CCDC136: variants seen among roughly 807,000 people sequenced by gnomAD.
CCDC136 encodes coiled-coil domain containing 136.
A neutral mutation model predicts 141.2 loss-of-function variants in CCDC136; 100 were observed. The observed-to-expected ratio is 0.71, with a 90% confidence interval of 0.60 to 0.84. The LOEUF is 0.84. Among genes scored for constraint, CCDC136 ranks in the 40% least tolerant of loss-of-function variants. CCDC136 has a pLI of 0.00. For synonymous variants in CCDC136, 474 were observed against 531.9 expected (o/e 0.89, Z 1.50); for missense variants, 1,206 against 1,379.4 (o/e 0.87, Z 1.99).
chr7:128,797,042 A>G (rs551518616), intron 3 of CCDC136, among the ~76,000 whole-genome samples: 25 of 152,206 alleles, frequency 1.6e-4, no homozygotes, highest in Admixed American at 7.8e-4. Context: ...CGCCCGGCCC[A>G]GAATATATTT....
In CCDC136 at chr7:128,817,013, A is replaced by G. The variant is rs148669975; in HGVS notation, c.3364-745A>G. 1.2e-3 allele frequency among the ~76,000 whole-genome samples: 177 copies of G among 152,282 alleles called. No individual in the cohort carries two copies. The highest frequency in any genetic ancestry group is 1.7e-3 in the Non-Finnish European group (116 of 68,026). The stretch of plus-strand genomic sequence containing the variant: ...ACTATCATGTTTCCTTGAGCTCATC[A>G]TATTCCACCACGTGCTGGTTCAGAG... On this transcript the variant is annotated intron_variant, in intron 16 of 17. Coordinates refer to ENST00000297788, the MANE Select transcript of CCDC136 (RefSeq NM_022742.5). This position sits in a 1 kb window ranked among gnomAD's most constrained non-coding sequence, Gnocchi z 4.6.
At chr7:128,813,049 G>T in intron 14 of CCDC136, 120 bp downstream of exon 14, 1 of 689,520 alleles carries the variant, frequency 1.5e-6, no homozygotes, top group South Asian at 1.8e-5. Context: ...CTCAGAGGCT[G>T]GGCAGTCTGC....
At position 128,812,666 on chromosome 7, in the gene CCDC136, G is replaced by T. The variant is rs753267586; in HGVS notation, c.2542-42G>T. ...CCCAGCAGAGTAGGGCGGAGCTTAG[G>T]TGCTCCTCAGGGTGCTATTGTTGCT... On this transcript the variant is annotated intron_variant, in intron 13 of 17. Coordinates refer to ENST00000297788, the MANE Select transcript of CCDC136 (RefSeq NM_022742.5). The T allele has an allele frequency of 1.8e-5, 27 of 1,472,824 alleles. No homozygotes were observed. In the Admixed American group the frequency reaches 3.4e-4, roughly 19 times the overall value. The allele number at this position is 1,472,824 out of a possible 1,614,324, so 91.2% of individuals were successfully genotyped here. A position where few individuals can be genotyped will look rare whatever the true frequency, so the allele number is the denominator to read the frequency against.
rs561543767 is a variant in CCDC136 at position 128,815,833 on chromosome 7, G to A, written c.3265G>A (p.Glu1089Lys). ...EENEEDKEEE[E>K]KEEDSEEEED... is the part of the protein sequence containing the mutation. Reference sequence around the variant, plus strand: ...AAATGAAGAGGACAAAGAGGAAGAGGAGAAGGAAGAAGACAGTGAAGAGGA... The same window carrying A: ...AAATGAAGAGGACAAAGAGGAAGAGAAGAAGGAAGAAGACAGTGAAGAGGA... The change falls in exon 16 of 18, where the codon GAG (glutamate) becomes AAG (lysine). Residue 1089 changes from glutamate (E) to lysine (K), a missense_variant. Physicochemically the swap from Glu to Lys is moderately conservative, Grantham distance 56. Transcript: ENST00000297788. The A allele has an allele frequency of 1.2e-6, 2 of 1,612,612 alleles. No individual in the cohort carries two copies. Among genetic ancestry groups the A allele is most frequent in the African/African-American group, 2.7e-5 (2 of 74,974 alleles).
intron 14 of CCDC136, 132 bp downstream of exon 14, chr7:128,813,061 C>T (rs1400125659): frequency 4.6e-6 from 3 of 647,936 alleles, no homozygotes; most frequent in Non-Finnish European, 8.1e-6. Flanking sequence ...GCAGTCTGCT[C>T]CATCCCTGAT....
intron 17 of CCDC136, among the ~76,000 whole-genome samples, chr7:128,818,562 T>C: frequency 6.6e-6 from 1 of 152,242 alleles, no homozygotes; most frequent in East Asian, 1.9e-4. Context: ...TTTATCTATT[T>C]TGTGGGCCAG....
At chr7:128,819,621 T>C (rs1368016792) in intron 17 of CCDC136, among the ~76,000 whole-genome samples, 4 of 152,236 alleles carry the variant, frequency 2.6e-5, no homozygotes, top group Non-Finnish European at 5.9e-5. Flanking sequence ...TATTAACTGA[T>C]TTAATCCTTG....
intron 11 of CCDC136, among the ~76,000 whole-genome samples, 165 bp downstream of exon 11, chr7:128,809,809 T>G (rs767297450): frequency 6.6e-6 from 1 of 152,222 alleles, no homozygotes; most frequent in South Asian, 2.1e-4. Context: ...TAGAGCCAAT[T>G]AGAGTTTTTC....
Position 128,794,406 on chromosome 7 carries a change from A to G in CCDC136, c.75A>G (p.Glu25=). 1 of 1,554,644 alleles carries G rather than the reference A, an allele frequency of 6.4e-7. No homozygotes were observed. Among genetic ancestry groups the G allele is most frequent in the Non-Finnish European group, 8.7e-7 (1 of 1,148,432 alleles). The stretch of plus-strand genomic sequence containing the variant: ...AAGAGGAAGAGGAAGAGGAGGAAGA[A>G]GAGGTGGAAGAAGAAGAAGAACAAG... ...EEEEEEEEEE[E]EVEEEEEQVQ... The change falls in exon 2 of 18, where the codon GAA becomes GAG. Residue 25 remains glutamate, a synonymous_variant. Coordinates refer to ENST00000297788, the MANE Select transcript of CCDC136 (RefSeq NM_022742.5). The surrounding 1 kb of genome is among the most constrained non-coding windows in gnomAD (Gnocchi z 4.3).
At chr7:128,802,193 A>C (rs918296758) in intron 4 of CCDC136, among the ~76,000 whole-genome samples, 2 of 152,210 alleles carry the variant, frequency 1.3e-5, no homozygotes, top group African/African-American at 2.4e-5. Flanking sequence ...TGAGGTACCC[A>C]AAAGCCTAGA....
At chr7:128,798,827 GT>G (rs1348457503) in intron 3 of CCDC136, among the ~76,000 whole-genome samples, 5 of 152,104 alleles carry the variant, frequency 3.3e-5, no homozygotes, top group Admixed American at 2.6e-4. Flanking sequence ...TTAAGGATCA[GT>G]TAATAGTTGT....
upstream of CCDC136, chr7:128,791,043 A>C: frequency 6.4e-6 from 1 of 155,410 alleles, no homozygotes. This position sits in a 1 kb window ranked among gnomAD's most constrained non-coding sequence, Gnocchi z 7.1. Context: ...TTTTGGAGGA[A>C]ACAGTCCCAC....
Position 128,815,813 on chromosome 7 carries a change from A to G in CCDC136, c.3245A>G (p.Glu1082Gly). The G allele has an allele frequency of 6.2e-7, 1 of 1,607,038 alleles. No homozygotes were observed. The highest frequency in any genetic ancestry group is 8.5e-7 in the Non-Finnish European group (1 of 1,176,736). ...AKSTEDQEEN[E>G]EDKEEEEKEE... ...TCCACAGAAGATCAGGAGGAAAATG[A>G]AGAGGACAAAGAGGAAGAGGAGAAG... Residue 1082 changes from glutamate to glycine, a missense_variant, in exon 16 of 18, where the codon GAA (glutamate) becomes GGA (glycine). By Grantham distance (98) the Glu-to-Gly change is moderately conservative. Coordinates refer to ENST00000297788, the MANE Select transcript of CCDC136 (RefSeq NM_022742.5).
Position 128,807,360 on chromosome 7 carries a change from G to T in CCDC136, c.1420G>T (p.Asp474Tyr). 6.6e-7 allele frequency: 1 copy of T among 1,511,852 alleles called. No individual in the cohort carries two copies. Among genetic ancestry groups the T allele is most frequent in the Non-Finnish European group, 8.9e-7 (1 of 1,127,502 alleles). 93.7% of individuals were successfully genotyped at this position (1,511,852 alleles called of 1,614,324 possible). A position where few individuals can be genotyped will look rare whatever the true frequency, so the allele number is the denominator to read the frequency against. The change falls in exon 10 of 18, where the codon GAC (aspartate) becomes TAC (tyrosine). Residue 474 changes from aspartate to tyrosine, a missense_variant and splice_region_variant. Asp to Tyr is a radical substitution (Grantham distance 160). Coordinates refer to ENST00000297788, the MANE Select transcript of CCDC136 (RefSeq NM_022742.5). ...VASFKESNEK[D>Y]TETHAQLQEM... The stretch of plus-strand genomic sequence containing the variant: ...GGCCAGGCCTGCCTCCCCTGCCCAG[G>T]ACACAGAGACGCACGCTCAGCTTCA...
In CCDC136 at chr7:128,809,436, G is replaced by GCCCCCC; in HGVS notation, c.1606-9_1606-8insCCCCCC. The GCCCCCC allele has an allele frequency of 1.2e-5, 7 of 595,328 alleles. No individual in the cohort carries two copies. Among genetic ancestry groups the GCCCCCC allele is most frequent in the Non-Finnish European group, 1.8e-5 (7 of 398,674 alleles). 36.9% of individuals were successfully genotyped at this position (595,328 alleles called of 1,614,324 possible). On this transcript the variant is annotated splice_polypyrimidine_tract_variant and intron_variant, in intron 10 of 17. Coordinates refer to ENST00000297788, the MANE Select transcript of CCDC136 (RefSeq NM_022742.5). ...CAGAGTAACCACCCCCTCCACACCC[G>GCCCCCC]CCCCCACCCACAGTGTGACACACTG...
At position 128,815,939 on chromosome 7, in the gene CCDC136, G is replaced by A. The variant is rs942953353; in HGVS notation, c.3363+8G>A. ...CTTTCCGAGAGCAAAAAGGTAACCA[G>A]AGCCAAAGCCTAGATCAAGTGGGAA... On this transcript the variant is annotated splice_region_variant and intron_variant, in intron 16 of 17. Coordinates refer to ENST00000297788, the MANE Select transcript of CCDC136 (RefSeq NM_022742.5). 3.1e-6 allele frequency: 5 copies of A among 1,605,970 alleles called. No individual in the cohort carries two copies. The highest frequency in any genetic ancestry group is 4.3e-6 in the Non-Finnish European group (5 of 1,175,986).
At position 128,804,801 on chromosome 7, in the gene CCDC136, A is replaced by G. The variant is rs777138606; in HGVS notation, c.782+40A>G. Reference sequence around the variant, plus strand: ...GGAGAGTGAGAGGTCATGGGGTTCCACAGGACTCTGCCTTACCTTGGGCTT... The same window carrying G: ...GGAGAGTGAGAGGTCATGGGGTTCCGCAGGACTCTGCCTTACCTTGGGCTT... On this transcript the variant is annotated intron_variant, in intron 5 of 17. Coordinates refer to ENST00000297788, the MANE Select transcript of CCDC136 (RefSeq NM_022742.5). 3.0e-5 allele frequency: 40 copies of G among 1,315,942 alleles called. No homozygotes were observed. The Admixed American group carries it at 7.8e-4, about 26-fold the overall frequency. The allele number at this position is 1,315,942 out of a possible 1,614,324, so 81.5% of individuals were successfully genotyped here.
Position 128,801,526 on chromosome 7 carries a change from G to A in CCDC136, c.670+17G>A, listed in dbSNP as rs1235482947. On this transcript the variant is annotated intron_variant, in intron 4 of 17. Coordinates refer to ENST00000297788, the MANE Select transcript of CCDC136 (RefSeq NM_022742.5). Reference sequence around the variant, plus strand: ...GGTTACAAGGTATGAGAGCCATCAAGTGGGTCAGTAAAGTCAAGCAGAGGA... The same window carrying A: ...GGTTACAAGGTATGAGAGCCATCAAATGGGTCAGTAAAGTCAAGCAGAGGA... 6.4e-7 allele frequency: 1 copy of A among 1,556,248 alleles called. No individual in the cohort carries two copies. The highest frequency in any genetic ancestry group is 8.8e-7 in the Non-Finnish European group (1 of 1,137,932).
upstream of CCDC136, chr7:128,791,908 A>G: frequency 1.9e-6 from 1 of 527,544 alleles, no homozygotes; most frequent in Non-Finnish European, 2.7e-6. The surrounding 1 kb of genome is among the most constrained non-coding windows in gnomAD (Gnocchi z 7.1). Flanking sequence ...GAATGGGAGG[A>G]GAGGGGAGGG....
Sources: gnomAD v4.1 joint callset for allele counts (sites outside exome capture counted in the v4.1 genomes callset) on GRCh38, gnomAD v4.1.1 for gene constraint, Gnocchi (gnomAD v3.1) non-coding constraint, MANE v1.5 for transcripts, NCBI Gene and HGNC (gene_info 2026-07-23, HGNC 2026-07-21) for gene names.